LRRC37A3: variants seen among roughly 807,000 people sequenced by gnomAD.
LRRC37A3 encodes leucine rich repeat containing 37 member A3, also known as leucine-rich repeat-containing protein 37A3.
A neutral mutation model predicts 106.2 loss-of-function variants in LRRC37A3; 25 were observed. The observed-to-expected ratio is 0.24, with a 90% CI of 0.17 to 0.33. The LOEUF (loss-of-function observed/expected upper bound fraction) is 0.33, where lower values mean the gene tolerates loss of function less well. Ranked by LOEUF, LRRC37A3 falls within the 10% of genes least tolerant of loss-of-function variation. LRRC37A3 has a pLI of 1.00. For missense variants in LRRC37A3, 712 were observed against 1,644.9 expected (o/e 0.43, Z 9.81); for synonymous variants, 305 against 635.8 (o/e 0.48, Z 7.83).
intron 2 of LRRC37A3, among the ~76,000 whole-genome samples, chr17:64,909,231 T>C (rs779902128): frequency 2.0e-5 from 3 of 152,166 alleles, no homozygotes; most frequent in East Asian, 3.8e-4. Context: ...TCTTCGAACT[T>C]TGCTACTCAT....
chr17:64,900,042 T>A (rs1230065213), intron 2 of LRRC37A3: 1 of 147,938 alleles, frequency 6.8e-6, no homozygotes, highest in Non-Finnish European at 1.5e-5. Context: ...TTTTCTTTTT[T>A]TTTTTTTCCT....
chr17:64,919,203 C>A (rs1280548920), intron 1 of LRRC37A3, among the ~76,000 whole-genome samples: 1 of 151,906 alleles, frequency 6.6e-6, no homozygotes, highest in African/African-American at 2.4e-5. Flanking sequence ...CGGGGCGCAG[C>A]GCTCCGCAGA....
chr17:64,866,609 T>TACACGTAC (rs1973095616), intron 10 of LRRC37A3, among the ~76,000 whole-genome samples: 2 of 20,190 alleles, frequency 9.9e-5, no homozygotes, highest in African/African-American at 3.1e-4. Flanking sequence ...TATATATATA[T>TACACGTAC]ATATATATAT....
chr17:64,913,273 C>A (rs544561554), intron 2 of LRRC37A3, among the ~76,000 whole-genome samples: 2 of 151,752 alleles, frequency 1.3e-5, no homozygotes, highest in African/African-American at 4.8e-5. Flanking sequence ...AGGTGATTCA[C>A]CTGCCTCGGC....
intron 8 of LRRC37A3, among the ~76,000 whole-genome samples, chr17:64,875,693 G>A (rs532278565): frequency 2.0e-5 from 3 of 152,162 alleles, no homozygotes; most frequent in Admixed American, 2.0e-4. Context: ...GGAGGCTGAG[G>A]CACTAGAATC....
chr17:64,868,647 C>A (rs1973201359), intron 9 of LRRC37A3, 111 bp from the exon 10 acceptor site: 1 of 1,448,976 alleles, frequency 6.9e-7, no homozygotes, highest in Non-Finnish European at 9.5e-7. Context: ...AGTTTATTTG[C>A]TGTAGAATTC....
At chr17:64,869,938 G>GAAA (rs1326453215) in intron 8 of LRRC37A3, among the ~76,000 whole-genome samples, 1 of 147,960 alleles carries the variant, frequency 6.8e-6, no homozygotes, top group African/African-American at 2.6e-5. Flanking sequence ...AGCCAAAGAA[G>GAAA]GAATAAATCT....
chr17:64,901,932 G>T (rs1974320824), intron 2 of LRRC37A3, among the ~76,000 whole-genome samples: 1 of 142,734 alleles, frequency 7.0e-6, no homozygotes, highest in Non-Finnish European at 1.5e-5. Flanking sequence ...CCACTTCCAA[G>T]GCTCACAGCA....
At chr17:64,861,076 C>T (rs1972851488) in intron 11 of LRRC37A3, 103 bp from the exon 12 acceptor site, 1 of 1,572,792 alleles carries the variant, frequency 6.4e-7, no homozygotes, top group Non-Finnish European at 8.7e-7. Flanking sequence ...AGTCAGCAAA[C>T]ATTCGAGTGC....
intron 1 of LRRC37A3, among the ~76,000 whole-genome samples, chr17:64,919,169 GGGCGGC>G (rs970251921): frequency 2.6e-5 from 4 of 151,544 alleles, no homozygotes; most frequent in Admixed American, 2.0e-4. Context: ...GTCCGGACGT[GGGCGGC>G]GGCGGCGGCG....
At position 64,854,462 on chromosome 17, in the gene LRRC37A3, G is replaced by C. The variant is rs1972607826; in HGVS notation, c.*137C>G. ...CTAATTAGACTGGGAAACAAGGGCAGGAACGATGGCCCTGTGCTTGCTCTG... is the reference window on the plus strand; with the variant it reads ...CTAATTAGACTGGGAAACAAGGGCACGAACGATGGCCCTGTGCTTGCTCTG... On this transcript the variant is annotated 3_prime_UTR_variant, in exon 15 of 15. Transcript: ENST00000584306. 1 of 1,244,282 alleles carries C rather than the reference G, an allele frequency of 8.0e-7. No individual in the cohort carries two copies. Among genetic ancestry groups the C allele is most frequent in the Admixed American group, 2.1e-5 (1 of 46,632 alleles). The allele number at this position is 1,244,282 out of a possible 1,614,324, so 77.1% of individuals were successfully genotyped here.
At position 64,874,457 on chromosome 17, in the gene LRRC37A3, G is replaced by A. The variant is rs573383600; in HGVS notation, c.2907-5291C>T. 2.7e-3 allele frequency among the ~76,000 whole-genome samples: 406 copies of A among 150,046 alleles called. 1 individual carries two copies. Among genetic ancestry groups the A allele is most frequent in the Middle Eastern group, 0.021 (6 of 284 alleles). ...GAGGAGCCCCTCCGCCCGGCCAGCC[G>A]CCCCATCCGGGAGGGAGGTGGGGGC... is the stretch of plus-strand genomic sequence containing the variant. On this transcript the variant is annotated intron_variant, in intron 8 of 14. Coordinates refer to ENST00000584306, the MANE Select transcript of LRRC37A3 (RefSeq NM_199340.5).
intron 2 of LRRC37A3, among the ~76,000 whole-genome samples, chr17:64,917,515 T>C (rs1399051889): frequency 4.6e-5 from 7 of 152,046 alleles, no homozygotes; most frequent in African/African-American, 1.5e-4. Flanking sequence ...TAGAAATAAT[T>C]GAAATATTCA....
intron 8 of LRRC37A3, among the ~76,000 whole-genome samples, chr17:64,877,433 C>T (rs1005082805): frequency 2.0e-4 from 30 of 152,084 alleles, no homozygotes; most frequent in Non-Finnish European, 2.4e-4. Context: ...AACTCCTGAC[C>T]TCAGGCGATC....
At chr17:64,877,928 G>C (rs1201394898) in intron 8 of LRRC37A3, among the ~76,000 whole-genome samples, 2 of 151,754 alleles carry the variant, frequency 1.3e-5, no homozygotes, top group Non-Finnish European at 2.9e-5. Flanking sequence ...TTTTTAAAAT[G>C]GTGCTGGAAC....
intron 9 of LRRC37A3, 37 bp from the exon 10 acceptor site, chr17:64,868,573 C>T (rs771156339): frequency 1.3e-6 from 2 of 1,570,812 alleles, no homozygotes; most frequent in Non-Finnish European, 1.7e-6. Flanking sequence ...GATATGAGCC[C>T]CAATAAAAAA....
intron 8 of LRRC37A3, among the ~76,000 whole-genome samples, chr17:64,875,382 C>A (rs1018168498): frequency 6.6e-6 from 1 of 152,204 alleles, no homozygotes; most frequent in African/African-American, 2.4e-5. Flanking sequence ...CCTGGCAAAA[C>A]TACCTTTGAA....
At chr17:64,918,942 C>A in intron 1 of LRRC37A3, 72 bp from the exon 2 acceptor site, 1 of 992,308 alleles carries the variant, frequency 1.0e-6, no homozygotes, top group East Asian at 3.6e-5. Context: ...TGTTGACGGC[C>A]GTCCGGACCT....
intron 11 of LRRC37A3, among the ~76,000 whole-genome samples, chr17:64,861,450 G>T (rs1367125224): frequency 6.6e-6 from 1 of 152,216 alleles, no homozygotes; most frequent in Non-Finnish European, 1.5e-5. Flanking sequence ...TCCTCTGAGA[G>T]GAGCAGGGTG....
Sources: gnomAD v4.1 joint callset for allele counts (sites outside exome capture counted in the v4.1 genomes callset) on GRCh38, gnomAD v4.1.1 for gene constraint, MANE v1.5 for transcripts, NCBI Gene and HGNC (gene_info 2026-07-23, HGNC 2026-07-21) for gene names.